Variants in HS3ST4 observed in about 807,000 individuals in gnomAD.
The protein encoded by HS3ST4 is heparan sulfate glucosamine 3-O-sulfotransferase 4.
Under a neutral mutation model 29.2 loss-of-function variants are expected in HS3ST4, and 17 were observed. The observed-to-expected ratio is 0.58, with a 90% CI of 0.40 to 0.87. The LOEUF (loss-of-function observed/expected upper bound fraction) is 0.87. HS3ST4 is among the 40% of genes least tolerant of loss of function. The probability of loss-of-function intolerance (pLI) is 0.00; values close to 1 mark genes in which losing one functional copy is unlikely to be tolerated. For synonymous variants in HS3ST4, 314 were observed against 285.7 expected, an observed-to-expected ratio of 1.10 and a Z score of -1.00; for missense variants, 627 against 634.5, an observed-to-expected ratio of 0.99 and a Z score of 0.13.
chr16:25,759,274 G>A lies in HS3ST4; in HGVS notation c.734+66123G>A, dbSNP rs79324451. Among the ~76,000 whole-genome samples the A allele has an allele frequency of 2.0e-3, 307 of 152,348 alleles. 1 individual carries two copies. Among genetic ancestry groups the A allele is most frequent in the African/African-American group, 7.0e-3 (293 of 41,578 alleles). On this transcript the variant is annotated intron_variant, in intron 1 of 1. Transcript: ENST00000331351. ...TGCCCTGGGCACTGTGTTAAGGGCT[G>A]TGTATCAACAATCTAGCTTAATCTT...
chr16:25,883,202 A>G (rs1338721442), intron 1 of HS3ST4, among the ~76,000 whole-genome samples: 3 of 145,066 alleles, frequency 2.1e-5, no homozygotes, highest in Non-Finnish European at 4.5e-5. Context: ...ATCAATGAGC[A>G]TATTTTTCTA....
chr16:25,844,183 A>G (rs990393887), intron 1 of HS3ST4, among the ~76,000 whole-genome samples: 4 of 152,210 alleles, frequency 2.6e-5, no homozygotes, highest in Non-Finnish European at 4.4e-5. Context: ...CTGGTTCACT[A>G]TCATTCTCCC....
At chr16:25,816,368 C>T (rs751086856) in intron 1 of HS3ST4, among the ~76,000 whole-genome samples, 5 of 152,128 alleles carry the variant, frequency 3.3e-5, no homozygotes, top group African/African-American at 1.2e-4. Flanking sequence ...CAGTCAGAGG[C>T]GATCGATACC....
At chr16:25,730,893 G>A (rs1208619441) in intron 1 of HS3ST4, among the ~76,000 whole-genome samples, 3 of 151,990 alleles carry the variant, frequency 2.0e-5, no homozygotes, top group African/African-American at 2.4e-5. Flanking sequence ...CTCACAGAAC[G>A]CAGAAAAGTT....
chr16:25,779,736 A>C (rs1966850970), intron 1 of HS3ST4, among the ~76,000 whole-genome samples: 1 of 152,168 alleles, frequency 6.6e-6, no homozygotes, highest in African/African-American at 2.4e-5. Flanking sequence ...TTTTTCCACC[A>C]AGCTCACTTG....
At chr16:25,819,050 G>T (rs1005696839) in intron 1 of HS3ST4, among the ~76,000 whole-genome samples, 6 of 152,146 alleles carry the variant, frequency 3.9e-5, no homozygotes, top group Admixed American at 3.9e-4. Flanking sequence ...AGAAGAAAGG[G>T]AGTCAGAAGG....
intron 1 of HS3ST4, among the ~76,000 whole-genome samples, chr16:25,771,994 C>G (rs1966842903): frequency 6.6e-6 from 1 of 152,162 alleles, no homozygotes; most frequent in South Asian, 2.1e-4. Context: ...CGTTGGCAAA[C>G]TTTTTCTGTA....
At chr16:25,875,519 G>A (rs1417843632) in intron 1 of HS3ST4, among the ~76,000 whole-genome samples, 1 of 152,004 alleles carries the variant, frequency 6.6e-6, no homozygotes, top group Non-Finnish European at 1.5e-5. Flanking sequence ...GCAATCCCTG[G>A]TCCATCACAT....
intron 1 of HS3ST4, among the ~76,000 whole-genome samples, chr16:26,129,989 G>A (rs1167347123): frequency 1.3e-5 from 2 of 152,254 alleles, no homozygotes; most frequent in Middle Eastern, 3.4e-3. Context: ...AGCCATCATC[G>A]CACCACTGCA....
At chr16:25,745,534 A>G (rs919305599) in intron 1 of HS3ST4, among the ~76,000 whole-genome samples, 2 of 152,006 alleles carry the variant, frequency 1.3e-5, no homozygotes, top group African/African-American at 4.8e-5. Context: ...ATATTTTATT[A>G]CTCCCTGTTC....
intron 1 of HS3ST4, among the ~76,000 whole-genome samples, chr16:25,886,462 T>A (rs905024069): frequency 6.6e-6 from 1 of 152,182 alleles, no homozygotes; most frequent in African/African-American, 2.4e-5. Context: ...AAATCTGCAT[T>A]CCCATTTATA....
chr16:25,968,793 C>T (rs1222103406), intron 1 of HS3ST4, among the ~76,000 whole-genome samples: 1 of 152,090 alleles, frequency 6.6e-6, no homozygotes, highest in Non-Finnish European at 1.5e-5. Context: ...AGTCAGTTAC[C>T]ATCAACAAAA....
At chr16:25,966,579 G>A (rs13339086) in intron 1 of HS3ST4, among the ~76,000 whole-genome samples, 16,238 of 152,150 alleles carry the variant, frequency 0.11, 1,016 homozygotes, top group Middle Eastern at 0.19. Context: ...AGCAGCTGGG[G>A]CAGACTGACT....
intron 1 of HS3ST4, among the ~76,000 whole-genome samples, chr16:25,791,651 A>G (rs2141620030): frequency 6.6e-6 from 1 of 152,232 alleles, no homozygotes; most frequent in South Asian, 2.1e-4. Flanking sequence ...AGTCCTAAGT[A>G]TTTGATGATA....
intron 1 of HS3ST4, among the ~76,000 whole-genome samples, chr16:25,724,620 C>T (rs1966519362): frequency 6.6e-6 from 1 of 152,062 alleles, no homozygotes; most frequent in Non-Finnish European, 1.5e-5. Context: ...CCTCGGCCTC[C>T]CAAAGTGCTG....
chr16:26,025,326 C>T (rs1189404750), intron 1 of HS3ST4: 1 of 154,366 alleles, frequency 6.5e-6, no homozygotes, highest in Non-Finnish European at 1.5e-5. Flanking sequence ...GGTTGATTGC[C>T]AAGTCTCCTT....
chr16:26,085,915 A>G (rs1898781542), intron 1 of HS3ST4, among the ~76,000 whole-genome samples: 2 of 142,962 alleles, frequency 1.4e-5, no homozygotes, highest in Admixed American at 1.4e-4. Flanking sequence ...AATAATAACA[A>G]TAATAATAAA....
intron 1 of HS3ST4, among the ~76,000 whole-genome samples, chr16:25,787,085 C>T (rs990825998): frequency 2.0e-5 from 3 of 152,158 alleles, no homozygotes; most frequent in African/African-American, 7.2e-5. Context: ...GTGAGTGTAT[C>T]TATTGGAAAA....
chr16:26,075,744 C>T (rs1270910059), intron 1 of HS3ST4, among the ~76,000 whole-genome samples: 1 of 152,210 alleles, frequency 6.6e-6, no homozygotes, highest in Non-Finnish European at 1.5e-5. Context: ...TCCCAAAGAA[C>T]ATTCCCATGA....
Sources: allele counts gnomAD v4.1 joint callset (sites outside exome capture counted in the v4.1 genomes callset), GRCh38; gene constraint gnomAD v4.1.1; transcripts MANE v1.5; gene names NCBI Gene and HGNC (gene_info 2026-07-23, HGNC 2026-07-21).